PACRG: variants seen among roughly 807,000 people sequenced by gnomAD.
PACRG encodes the protein parkin coregulated gene protein.
PACRG carries 29 observed loss-of-function variants against 29.7 expected under a neutral mutation model. The observed-to-expected ratio is 0.98, with a 90% CI of 0.73 to 1.33. PACRG has a LOEUF of 1.33. Among genes scored for constraint, PACRG ranks in the 40% most tolerant of loss-of-function variants. The probability of loss-of-function intolerance (pLI) is 0.00; values close to 1 mark genes in which losing one functional copy is unlikely to be tolerated. For synonymous variants in PACRG, 116 were observed against 118.7 expected (o/e 0.98, Z 0.15); for missense variants, 279 against 316.2 (o/e 0.88, Z 0.89).
chr6:163,218,368 A>AATTTTCATGCTAG (rs1325717488), intron 4 of PACRG, among the ~76,000 whole-genome samples: 2 of 152,130 alleles, frequency 1.3e-5, no homozygotes, highest in Non-Finnish European at 2.9e-5. Flanking sequence ...TTTCTACTGC[A>AATTTTCATGCTAG]ATTTTCATGC....
intron 4 of PACRG, among the ~76,000 whole-genome samples, chr6:163,153,484 TG>T (rs1186329284): frequency 6.6e-6 from 1 of 152,250 alleles, no homozygotes; most frequent in African/African-American, 2.4e-5. Context: ...GTAATATATT[TG>T]AAAATACAAA....
chr6:163,256,999 CTCTGCCGCCATCT>C (rs1193936434), intron 4 of PACRG, among the ~76,000 whole-genome samples: 1 of 152,068 alleles, frequency 6.6e-6, no homozygotes, highest in Non-Finnish European at 1.5e-5. Context: ...TCACTCCAAT[CTCTGCCGCCATCT>C]TCACGTGGTC....
At chr6:162,870,797 T>G (rs995031026) in intron 2 of PACRG, among the ~76,000 whole-genome samples, 1 of 152,240 alleles carries the variant, frequency 6.6e-6, no homozygotes, top group Non-Finnish European at 1.5e-5. Flanking sequence ...AGGCCAAAGT[T>G]GTAACATATT....
At chr6:162,771,969 C>T (rs966240045) in intron 1 of PACRG, among the ~76,000 whole-genome samples, 4 of 151,604 alleles carry the variant, frequency 2.6e-5, no homozygotes, top group Non-Finnish European at 5.9e-5. Context: ...CTCTGGGGGA[C>T]CAGGAGAAGG....
intron 4 of PACRG, among the ~76,000 whole-genome samples, chr6:163,253,653 C>G (rs529876887): frequency 6.6e-6 from 1 of 152,298 alleles, no homozygotes; most frequent in Admixed American, 6.5e-5. Flanking sequence ...TTCCCCATCA[C>G]CTGGCCCAAA....
At chr6:163,303,299 GGGTGACAGC>G (rs760459582) in intron 4 of PACRG, among the ~76,000 whole-genome samples, 54 of 152,134 alleles carry the variant, frequency 3.5e-4, no homozygotes, top group Non-Finnish European at 6.9e-4. Context: ...ACTCTAGCCT[GGGTGACAGC>G]GTGAGACCCT....
chr6:163,250,614 T>C (rs1413752073), intron 4 of PACRG, among the ~76,000 whole-genome samples: 1 of 152,176 alleles, frequency 6.6e-6, no homozygotes, highest in African/African-American at 2.4e-5. Context: ...TTTATTTCTT[T>C]AAGAACTAGA....
intron 2 of PACRG, among the ~76,000 whole-genome samples, chr6:163,019,635 T>G (rs2128219290): frequency 6.6e-6 from 1 of 152,314 alleles, no homozygotes; most frequent in East Asian, 1.9e-4. Context: ...TACTCTCCTC[T>G]GCTGCCTCTA....
chr6:163,109,525 T>G (rs1015031150), intron 4 of PACRG, among the ~76,000 whole-genome samples: 1 of 152,196 alleles, frequency 6.6e-6, no homozygotes, highest in African/African-American at 2.4e-5. Flanking sequence ...TTTCCTTTCT[T>G]CCTTTTGAAA....
intron 4 of PACRG, among the ~76,000 whole-genome samples, chr6:163,201,261 ATATAT>A (rs1222256580): frequency 2.6e-5 from 4 of 152,270 alleles, no homozygotes; most frequent in Admixed American, 6.5e-5. Context: ...ATTAGAGTAC[ATATAT>A]TATATCAATT....
chr6:163,091,764 C>T (rs528067687), intron 4 of PACRG, among the ~76,000 whole-genome samples: 1 of 152,138 alleles, frequency 6.6e-6, no homozygotes, highest in Non-Finnish European at 1.5e-5. Flanking sequence ...TTTTCAATTA[C>T]ATTAGAATTT....
intron 2 of PACRG, among the ~76,000 whole-genome samples, chr6:162,897,424 C>G (rs1245886337): frequency 6.6e-6 from 1 of 152,158 alleles, no homozygotes; most frequent in Non-Finnish European, 1.5e-5. Flanking sequence ...GTGCCTGATG[C>G]GTTCTTTCCA....
chr6:162,881,709 TG>T (rs1168015804), intron 2 of PACRG, among the ~76,000 whole-genome samples: 3 of 133,330 alleles, frequency 2.3e-5, no homozygotes, highest in South Asian at 2.6e-4. Context: ...AGACTGGGGG[TG>T]GGGGGGTGCA....
At position 163,100,441 on chromosome 6, in the gene PACRG, G is replaced by C. The variant is rs1011677851; in HGVS notation, c.613+11033G>C. Among the ~76,000 whole-genome samples the C allele has an allele frequency of 2.0e-5, 3 of 152,148 alleles. No homozygotes were observed. In the South Asian group the frequency reaches 6.2e-4, roughly 31 times the overall value. ...GGCCAGCCCCTGGGGACACCTTCAGGCTGCTCGAGAGGGTTCCAGCTGCCA... is the reference window on the plus strand; with the variant it reads ...GGCCAGCCCCTGGGGACACCTTCAGCCTGCTCGAGAGGGTTCCAGCTGCCA... On this transcript the variant is annotated intron_variant, in intron 4 of 4. Transcript: ENST00000366888.
intron 2 of PACRG, among the ~76,000 whole-genome samples, chr6:163,024,577 T>C (rs1806946559): frequency 6.6e-6 from 1 of 152,238 alleles, no homozygotes; most frequent in Non-Finnish European, 1.5e-5. Flanking sequence ...TGGTTCCATA[T>C]GAATTTTAGA....
intron 1 of PACRG, among the ~76,000 whole-genome samples, chr6:162,799,497 G>A (rs1018878535): frequency 9.2e-5 from 14 of 152,028 alleles, no homozygotes; most frequent in East Asian, 3.9e-4. Flanking sequence ...TATATATTTC[G>A]TACATTTCTT....
intron 2 of PACRG, among the ~76,000 whole-genome samples, chr6:162,861,419 C>G (rs1791850578): frequency 6.6e-6 from 1 of 152,144 alleles, no homozygotes; most frequent in South Asian, 2.1e-4. Context: ...AATCTTTGAT[C>G]TAGGATCTGT....
intron 4 of PACRG, among the ~76,000 whole-genome samples, chr6:163,228,238 A>G (rs1045139069): frequency 6.6e-6 from 1 of 152,126 alleles, no homozygotes; most frequent in African/African-American, 2.4e-5. Context: ...GATTCTTCAA[A>G]TGAGAGCAAG....
rs115800527 is a variant in PACRG at position 162,898,726 on chromosome 6, T to C, written c.291+84445T>C. 7.0e-3 allele frequency among the ~76,000 whole-genome samples: 1,071 copies of C among 152,322 alleles called. 13 individuals are homozygous for C. Among genetic ancestry groups the C allele is most frequent in the African/African-American group, 0.025 (1,023 of 41,562 alleles). ...ACAAATACAGGACTTAAAGAGTGTC[T>C]GTCACTTAGGAAGCACACAATAAAT... On this transcript the variant is annotated intron_variant, in intron 2 of 4. Transcript: ENST00000366888.
Sources: gnomAD v4.1 joint callset for allele counts (sites outside exome capture counted in the v4.1 genomes callset) on GRCh38, gnomAD v4.1.1 for gene constraint, MANE v1.5 for transcripts, NCBI Gene and HGNC (gene_info 2026-07-23, HGNC 2026-07-21) for gene names.